Variants in PLCD3 observed in about 807,000 individuals in gnomAD.
PLCD3 encodes phospholipase C delta 3, also known as 1-phosphatidylinositol 4,5-bisphosphate phosphodiesterase delta-3.
PLCD3 carries 62 observed loss-of-function variants against 82.8 expected under a neutral mutation model. The ratio of observed to expected loss-of-function variants is 0.75; its 90% CI spans 0.61 to 0.93. PLCD3 has a LOEUF of 0.93. PLCD3 is among the 40% of genes least tolerant of loss of function. PLCD3 has a pLI of 0.00. For synonymous variants in PLCD3, 478 were observed against 471.8 expected, an observed-to-expected ratio of 1.01 and a Z score of -0.17; for missense variants, 1,023 against 1,103.4, an observed-to-expected ratio of 0.93 and a Z score of 1.03.
Position 45,121,032 on chromosome 17 carries a change from C to T in PLCD3, c.424G>A (p.Ala142Thr). 1 of 1,540,866 alleles carries T rather than the reference C, an allele frequency of 6.5e-7. No individual in the cohort carries two copies. Among genetic ancestry groups the T allele is most frequent in the Non-Finnish European group, 8.7e-7 (1 of 1,150,858 alleles). Residue 142 changes from alanine (A) to threonine (T), a missense_variant, in exon 3 of 15, where the codon GCC (alanine) becomes ACC (threonine). Transcript: ENST00000619929. ...AGGTTCTTGCGGCGGCCCTTGAAGGCGATGGTGAGGCAGCGCGCTGGCGCG... is the reference window on the plus strand; with the variant it reads ...AGGTTCTTGCGGCGGCCCTTGAAGGTGATGGTGAGGCAGCGCGCTGGCGCG... ...AFAPARCLTI[A>T]FKGRRKNLDL...
Position 45,109,628 on chromosome 17 carries a change from G to C in PLCD3, c.*2988C>G, listed in dbSNP as rs1322402311. 6.6e-6 allele frequency: 1 copy of C among 152,368 alleles called. No individual in the cohort carries two copies. 9.4% of individuals were successfully genotyped at this position (152,368 alleles called of 1,614,324 possible). On this transcript the variant is annotated 3_prime_UTR_variant, in exon 15 of 15. Transcript: ENST00000619929. ...TTTCCAGGGAAACTGAGAGGACACA[G>C]GACCTGCCTGACCCCTCTAAAGCCC...
intron 4 of PLCD3, among the ~76,000 whole-genome samples, chr17:45,119,907 C>G (rs1271115989): frequency 6.6e-6 from 1 of 152,232 alleles, no homozygotes; most frequent in Non-Finnish European, 1.5e-5. Context: ...CCCCTGTGCT[C>G]CCATGCATGA....
At chr17:45,125,438 A>G (rs1016020321) in intron 1 of PLCD3, among the ~76,000 whole-genome samples, 1 of 152,246 alleles carries the variant, frequency 6.6e-6, no homozygotes, top group Non-Finnish European at 1.5e-5. Context: ...GTCTCTACTA[A>G]AAATAGAAAA....
At chr17:45,114,108 C>T (rs2054270204) in intron 11 of PLCD3, 142 bp downstream of exon 11, 2 of 628,760 alleles carry the variant, frequency 3.2e-6, no homozygotes, top group East Asian at 6.2e-5. Context: ...TTGATTTTCC[C>T]ACCTACATTG....
chr17:45,116,029 A>T (rs1220915784), intron 8 of PLCD3, among the ~76,000 whole-genome samples: 1 of 152,212 alleles, frequency 6.6e-6, no homozygotes, highest in Non-Finnish European at 1.5e-5. Context: ...TTTTCACAGT[A>T]ATAACAAAAA....
intron 8 of PLCD3, 186 bp from the exon 9 acceptor site, chr17:45,115,676 G>C: frequency 1.7e-6 from 1 of 593,024 alleles, no homozygotes; most frequent in East Asian, 2.8e-5. Flanking sequence ...CCATCAGGAA[G>C]GGATGCTTAA....
intron 10 of PLCD3, 115 bp from the exon 11 acceptor site, chr17:45,114,481 C>G (rs906124930): frequency 6.8e-6 from 5 of 736,968 alleles, no homozygotes; most frequent in Non-Finnish European, 1.1e-5. Flanking sequence ...ACCCTGCCCC[C>G]GCTCCTCACT....
chr17:45,132,147 C>G lies in PLCD3; in HGVS notation c.163+101G>C. ...GCCCCTAGCCATAGCCTCCCAGCCC[C>G]GTGCAGCCTGGGGAATCCACGAACT... On this transcript the variant is annotated intron_variant, in intron 1 of 14. Transcript: ENST00000619929. The surrounding 1 kb of genome is among the most constrained non-coding windows in gnomAD (Gnocchi z 4.6). 1 of 1,157,716 alleles carries G rather than the reference C, an allele frequency of 8.6e-7. No individual in the cohort carries two copies. The highest frequency in any genetic ancestry group is 3.2e-5 in the East Asian group (1 of 31,062). 71.7% of individuals were successfully genotyped at this position (1,157,716 alleles called of 1,614,324 possible).
Position 45,125,759 on chromosome 17 carries a change from A to G in PLCD3, c.164-4387T>C, listed in dbSNP as rs185766166. Among the ~76,000 whole-genome samples, 448 of 152,362 alleles carry G rather than the reference A, an allele frequency of 2.9e-3. 11 individuals carry two copies. Among genetic ancestry groups the G allele is most frequent in the Non-Finnish European group, 1.1e-3 (73 of 68,030 alleles). ...AACCTTGAAAACATCATGCTAAGTG[A>G]AAGAAGCCAGACCCCAAACGACAAA... On this transcript the variant is annotated intron_variant, in intron 1 of 14. Transcript: ENST00000619929.
intron 8 of PLCD3, among the ~76,000 whole-genome samples, chr17:45,115,962 G>A (rs2054287698): frequency 6.6e-6 from 1 of 152,232 alleles, no homozygotes; most frequent in African/African-American, 2.4e-5. Flanking sequence ...AGGGAGGGGA[G>A]CACTGCTCAT....
At chr17:45,120,174 CCA>C (rs2054324589) in intron 4 of PLCD3, 149 bp downstream of exon 4, 1 of 1,100,678 alleles carries the variant, frequency 9.1e-7, no homozygotes, top group Non-Finnish European at 1.3e-6. Flanking sequence ...CTAACTAACC[CCA>C]GATGTTGCCT....
chr17:45,113,489 T>G lies in PLCD3; in HGVS notation c.1945A>C (p.Thr649Pro), dbSNP rs756122111. Reference sequence around the variant, plus strand: ...GGTCCTGGGTACTCGGGGTCAAAGGTCGAGTCAGGTTGCCGCAGGCAGGCA... The same window carrying G: ...GGTCCTGGGTACTCGGGGTCAAAGGGCGAGTCAGGTTGCCGCAGGCAGGCA... ...KPACLRQPDS[T>P]FDPEYPGPPR... The change falls in exon 12 of 15, where the codon ACC becomes CCC. Residue 649 changes from threonine to proline, a missense_variant. Physicochemically the swap from Thr to Pro is conservative, Grantham distance 38 (BLOSUM62 -1). Coordinates refer to ENST00000619929, the MANE Select transcript of PLCD3 (RefSeq NM_133373.5). The G allele has an allele frequency of 9.4e-6, 15 of 1,593,108 alleles. No individual in the cohort carries two copies. The East Asian group carries it at 3.2e-4, about 34-fold the overall frequency.
Position 45,132,313 on chromosome 17 carries a change from G to A in PLCD3, c.98C>T (p.Pro33Leu). 1 of 1,251,246 alleles carries A rather than the reference G, an allele frequency of 8.0e-7. No homozygotes were observed. The highest frequency in any genetic ancestry group is 1.0e-6 in the Non-Finnish European group (1 of 997,264). 77.5% of individuals were successfully genotyped at this position (1,251,246 alleles called of 1,614,324 possible). A position where few individuals can be genotyped will look rare whatever the true frequency, so the allele number is the denominator to read the frequency against. Residue 33 changes from proline to leucine, a missense_variant, in exon 1 of 15, where the codon CCG becomes CTG. Around this residue, in one of 3 missense-constraint regions of PLCD3, gnomAD observed 448 missense variants for 406.3 expected, o/e 1.10. Coordinates refer to ENST00000619929, the MANE Select transcript of PLCD3 (RefSeq NM_133373.5). The surrounding 1 kb of genome is among the most constrained non-coding windows in gnomAD (Gnocchi z 4.6). ...AAQVAAPVAL[P>L]SPPTPSDGGT... ...GCCATCGGAGGGAGTCGGCGGGGACGGGAGAGCGACCGGCGCCGCGACTTG... is the reference window on the plus strand; with the variant it reads ...GCCATCGGAGGGAGTCGGCGGGGACAGGAGAGCGACCGGCGCCGCGACTTG...
Position 45,120,960 on chromosome 17 carries a change from C to G in PLCD3, c.496G>C (p.Gly166Arg). The change falls in exon 3 of 15, where the codon GGT becomes CGT. Residue 166 changes from glycine to arginine, a missense_variant. Coordinates refer to ENST00000619929, the MANE Select transcript of PLCD3 (RefSeq NM_133373.5). ...TAEEAQRWVR[G>R]LTKLRARLDA... The stretch of plus-strand genomic sequence containing the variant: ...AGGCGCGCGCGGAGCTTGGTCAGAC[C>G]GCGCACCCAGCGCTGCGCTTCCTCA... 2 of 1,518,260 alleles carry G rather than the reference C, an allele frequency of 1.3e-6. No homozygotes were observed. Among genetic ancestry groups the G allele is most frequent in the Non-Finnish European group, 8.8e-7 (1 of 1,140,478 alleles). 94.0% of individuals were successfully genotyped at this position (1,518,260 alleles called of 1,614,324 possible).
intron 4 of PLCD3, among the ~76,000 whole-genome samples, 198 bp from the exon 5 acceptor site, chr17:45,119,241 GTT>G (rs1324820946): frequency 6.8e-6 from 1 of 147,684 alleles, no homozygotes; most frequent in African/African-American, 2.7e-5. Flanking sequence ...TTTTAGGTTT[GTT>G]TGTTTGTTTG....
intron 1 of PLCD3, 71 bp from the exon 2 acceptor site, chr17:45,121,443 G>C: frequency 1.4e-6 from 2 of 1,423,836 alleles, no homozygotes; most frequent in Non-Finnish European, 1.8e-6. Context: ...CCCCCGCTAG[G>C]ACCTGCTGCC....
intron 4 of PLCD3, among the ~76,000 whole-genome samples, chr17:45,119,446 A>G (rs1489761656): frequency 1.3e-5 from 2 of 152,078 alleles, no homozygotes; most frequent in Non-Finnish European, 1.5e-5. Flanking sequence ...GTGTTGCCCA[A>G]GCTGATCTCA....
At chr17:45,124,646 G>A (rs2143583469) in intron 1 of PLCD3, among the ~76,000 whole-genome samples, 1 of 152,378 alleles carries the variant, frequency 6.6e-6, no homozygotes, top group East Asian at 1.9e-4. Context: ...GAGGACCGTG[G>A]CTCTCCATCC....
intron 1 of PLCD3, 40 bp from the exon 2 acceptor site, chr17:45,121,412 G>T (rs1310185831): frequency 1.4e-6 from 2 of 1,453,860 alleles, no homozygotes; most frequent in Non-Finnish European, 1.8e-6. Context: ...GGCCGTACCT[G>T]CCCAGAGGCT....
Sources: gnomAD v4.1 joint callset for allele counts (sites outside exome capture counted in the v4.1 genomes callset) on GRCh38, gnomAD v4.1.1 for gene constraint, gnomAD v4.1.1 regional missense constraint, Gnocchi (gnomAD v3.1) non-coding constraint, MANE v1.5 for transcripts, NCBI Gene and HGNC (gene_info 2026-07-23, HGNC 2026-07-21) for gene names.